PCDHGA8: variants seen among roughly 807,000 people sequenced by gnomAD.
The protein encoded by PCDHGA8 is protocadherin gamma subfamily A, 8.
In PCDHGA8, 45 loss-of-function variants were observed where a neutral mutation model predicts 59.2. That is an observed-to-expected ratio of 0.76 (90% CI 0.60 to 0.98). PCDHGA8 has a LOEUF of 0.98. Among genes scored for constraint, PCDHGA8 ranks in the 50% least tolerant of loss-of-function variants. The probability of loss-of-function intolerance (pLI) is 0.00; values close to 1 mark genes in which losing one functional copy is unlikely to be tolerated. For synonymous variants in PCDHGA8, 531 were observed against 519.0 expected, an observed-to-expected ratio of 1.02 and a Z score of -0.32; for missense variants, 1,257 against 1,196.2, an observed-to-expected ratio of 1.05 and a Z score of -0.75.
chr5:141,399,287 C>G (rs1393904771), intron 1 of PCDHGA8: 1 of 1,613,912 alleles, frequency 6.2e-7, no homozygotes, highest in Non-Finnish European at 8.5e-7. Context: ...GGCGAAGTCC[C>G]TTTTAAGATT....
At chr5:141,398,747 AC>A in intron 1 of PCDHGA8, 1 of 1,613,496 alleles carries the variant, frequency 6.2e-7, no homozygotes, top group Middle Eastern at 1.6e-4. Context: ...CAACAGAGTT[AC>A]CATCGTTTAG....
At position 141,399,778 on chromosome 5, in the gene PCDHGA8, C is replaced by T. The variant is rs187080333; in HGVS notation, c.2424+4541C>T. 2.5e-6 allele frequency: 4 copies of T among 1,613,250 alleles called. No individual in the cohort carries two copies. The South Asian group carries it at 3.3e-5, about 13-fold the overall frequency. On this transcript the variant is annotated intron_variant, in intron 1 of 3. Transcript: ENST00000398604. ...GAGCCTGCGCGTGTTGGTGGGCGAC[C>T]GAAACGACAACGCACCGCGGGTGCT...
At position 141,476,458 on chromosome 5, in the gene PCDHGA8, C is replaced by A. The variant is rs368153419; in HGVS notation, c.2425-18349C>A. Reference sequence around the variant, plus strand: ...TAACTCTGGAGTTGGTAGTGGAGAACCCGCTGGAGCTGTTCAGCGTGGAAG... The same window carrying A: ...TAACTCTGGAGTTGGTAGTGGAGAAACCGCTGGAGCTGTTCAGCGTGGAAG... On this transcript the variant is annotated intron_variant, in intron 1 of 3. Transcript: ENST00000398604. This position sits in a 1 kb window ranked among gnomAD's most constrained non-coding sequence, Gnocchi z 7.6. 1 of 1,613,928 alleles carries A rather than the reference C, an allele frequency of 6.2e-7. No individual in the cohort carries two copies. Among genetic ancestry groups the A allele is most frequent in the Non-Finnish European group, 8.5e-7 (1 of 1,180,022 alleles).
intron 1 of PCDHGA8, chr5:141,433,007 C>T (rs550227016): frequency 1.2e-6 from 2 of 1,614,198 alleles, no homozygotes; most frequent in Admixed American, 3.3e-5. Context: ...GCAGGCTTTC[C>T]TGCAGACCTA....
In PCDHGA8 at chr5:141,393,293, G is replaced by A. The variant is rs774531655; in HGVS notation, c.480G>A (p.Pro160=). Residue 160 remains proline, a synonymous_variant, in exon 1 of 4, where the codon CCG becomes CCA. Coordinates refer to ENST00000398604, the MANE Select transcript of PCDHGA8 (RefSeq NM_032088.2). ...ATCCACTCCCAGAAGCTGTTGACCC[G>A]GATGTGGGCGTGAACTCCCTCCAGA... ...ARYPLPEAVD[P]DVGVNSLQSY... is the part of the protein sequence containing the mutation. 6.2e-6 allele frequency: 10 copies of A among 1,613,918 alleles called. No homozygotes were observed. The Admixed American group carries it at 8.3e-5, about 13-fold the overall frequency.
At chr5:141,427,584 A>G in intron 1 of PCDHGA8, 1 of 674,672 alleles carries the variant, frequency 1.5e-6, no homozygotes, top group Non-Finnish European at 2.7e-6. Context: ...CTCATCCAGC[A>G]CAAGCCTCAC....
intron 1 of PCDHGA8, chr5:141,404,006 C>A: frequency 6.2e-7 from 1 of 1,613,804 alleles, no homozygotes; most frequent in Non-Finnish European, 8.5e-7. Context: ...CATTACATCT[C>A]TGTTTAGCCC....
At chr5:141,407,316 G>A (rs2094914682) in intron 1 of PCDHGA8, among the ~76,000 whole-genome samples, 1 of 152,094 alleles carries the variant, frequency 6.6e-6, no homozygotes, top group Non-Finnish European at 1.5e-5. Flanking sequence ...TTCATACTTA[G>A]TATTTATAAA....
chr5:141,399,925 C>A (rs779347793), intron 1 of PCDHGA8: 3 of 1,612,364 alleles, frequency 1.9e-6, no homozygotes, highest in South Asian at 1.1e-5. Flanking sequence ...CAACGCCTGG[C>A]TGTCCTACCA....
chr5:141,393,928 A>G lies in PCDHGA8; in HGVS notation c.1115A>G (p.His372Arg). 4 of 1,614,004 alleles carry G rather than the reference A, an allele frequency of 2.5e-6. No individual in the cohort carries two copies. Among genetic ancestry groups the G allele is most frequent in the South Asian group, 2.2e-5 (2 of 91,082 alleles). Residue 372 changes from histidine to arginine, a missense_variant, in exon 1 of 4, where the codon CAT (histidine) becomes CGT (arginine). Physicochemically the swap from His to Arg is conservative, Grantham distance 29 (BLOSUM62 0). Transcript: ENST00000398604. ...PGTVIAFLSV[H>R]DQDSGKNGQV... ...ACAGTAATTGCCTTCTTGAGTGTGC[A>G]TGACCAAGACTCTGGAAAGAATGGT... is the stretch of plus-strand genomic sequence containing the variant.
Position 141,486,638 on chromosome 5 carries a change from C to T in PCDHGA8, c.2425-8169C>T, listed in dbSNP as rs753730551. 5.6e-6 allele frequency: 9 copies of T among 1,613,700 alleles called. No homozygotes were observed. In the East Asian group the frequency reaches 8.9e-5, roughly 16 times the overall value. On this transcript the variant is annotated intron_variant, in intron 1 of 3. Coordinates refer to ENST00000398604, the MANE Select transcript of PCDHGA8 (RefSeq NM_032088.2). This position sits in a 1 kb window ranked among gnomAD's most constrained non-coding sequence, Gnocchi z 5.0. The stretch of plus-strand genomic sequence containing the variant: ...TGACCCAGACTCTGGCTTGAATGCG[C>T]TTATCTCCTACTCACTCCTGGAGCC...
chr5:141,410,019 A>C, intron 1 of PCDHGA8: 2 of 1,613,204 alleles, frequency 1.2e-6, no homozygotes, highest in African/African-American at 2.7e-5. Context: ...TGGCTGTCCT[A>C]CCACGTGCTG....
chr5:141,454,407 T>TTTTA (rs1029547484), intron 1 of PCDHGA8, among the ~76,000 whole-genome samples: 21 of 152,236 alleles, frequency 1.4e-4, no homozygotes, highest in Admixed American at 1.2e-3. Flanking sequence ...GCTTATTCCT[T>TTTTA]TTTATTTATT....
At position 141,399,297 on chromosome 5, in the gene PCDHGA8, T is replaced by G. The variant is rs370898446; in HGVS notation, c.2424+4060T>G. On this transcript the variant is annotated intron_variant, in intron 1 of 3. Transcript: ENST00000398604. The stretch of plus-strand genomic sequence containing the variant: ...TACAAGGCGAAGTCCCTTTTAAGAT[T>G]ATCTCTTCATCCAAAAATTCGTATA... 14 of 1,613,948 alleles carry G rather than the reference T, an allele frequency of 8.7e-6. No individual in the cohort carries two copies. The East Asian group carries it at 2.9e-4, about 33-fold the overall frequency.
Position 141,485,741 on chromosome 5 carries a change from C to A in PCDHGA8, c.2425-9066C>A. 6.2e-7 allele frequency: 1 copy of A among 1,614,180 alleles called. No homozygotes were observed. Among genetic ancestry groups the A allele is most frequent in the Non-Finnish European group, 8.5e-7 (1 of 1,179,992 alleles). On this transcript the variant is annotated intron_variant, in intron 1 of 3. Coordinates refer to ENST00000398604, the MANE Select transcript of PCDHGA8 (RefSeq NM_032088.2). This position sits in a 1 kb window ranked among gnomAD's most constrained non-coding sequence, Gnocchi z 5.7. ...TGTGAAGAAGCGCAGCGACGGCAGC[C>A]TGGTCCCAGAGCTGCTCCTGGAGAA...
chr5:141,454,142 C>T (rs2098782408), intron 1 of PCDHGA8, among the ~76,000 whole-genome samples: 1 of 152,222 alleles, frequency 6.6e-6, no homozygotes, highest in Non-Finnish European at 1.5e-5. Context: ...GGAATGTTCA[C>T]ACTGCTACTT....
intron 1 of PCDHGA8, among the ~76,000 whole-genome samples, chr5:141,450,830 T>TTTA (rs1554136905): frequency 6.9e-5 from 7 of 101,548 alleles, no homozygotes; most frequent in East Asian, 2.6e-4. Flanking sequence ...ATTATTATTA[T>TTTA]TTTTTTTTTT....
chr5:141,399,872 A>G (rs759178048), intron 1 of PCDHGA8: 2 of 1,612,652 alleles, frequency 1.2e-6, no homozygotes, highest in Non-Finnish European at 1.7e-6. Flanking sequence ...GAGCCCGGCT[A>G]CCTGGTGACC....
At chr5:141,498,954 A>G (rs1180380627) in intron 2 of PCDHGA8, among the ~76,000 whole-genome samples, 2 of 134,538 alleles carry the variant, frequency 1.5e-5, no homozygotes, top group Non-Finnish European at 3.2e-5. Context: ...AGAAAAAGAG[A>G]GAGAGGGAGG....
Sources: gnomAD v4.1 joint callset for allele counts (sites outside exome capture counted in the v4.1 genomes callset) on GRCh38, gnomAD v4.1.1 for gene constraint, Gnocchi (gnomAD v3.1) non-coding constraint, MANE v1.5 for transcripts, NCBI Gene and HGNC (gene_info 2026-07-23, HGNC 2026-07-21) for gene names.